Variants in SLC4A8 observed in about 807,000 individuals in gnomAD.
The protein encoded by SLC4A8 is electroneutral sodium bicarbonate exchanger 1.
In SLC4A8, 40 loss-of-function variants were observed where a neutral mutation model predicts 125.0. The ratio of observed to expected loss-of-function variants is 0.32; its 90% CI spans 0.25 to 0.42. The LOEUF (loss-of-function observed/expected upper bound fraction) is 0.42. SLC4A8 is among the 10% of genes least tolerant of loss of function. The pLI, the probability that SLC4A8 is intolerant of heterozygous loss-of-function variation, is 1.00. For missense variants in SLC4A8, 863 were observed against 1,355.1 expected (o/e 0.64, Z 5.70); for synonymous variants, 456 against 476.0 (o/e 0.96, Z 0.55).
upstream of SLC4A8, among the ~76,000 whole-genome samples, chr12:51,424,037 C>CAAAAAAAAAAAA (rs35611847): frequency 2.1e-4 from 8 of 38,064 alleles, no homozygotes; most frequent in East Asian, 1.1e-3. Context: ...ACTTCGTCTC[C>CAAAAAAAAAAAA]AAAAAAAAAA....
intron 1 of SLC4A8, among the ~76,000 whole-genome samples, chr12:51,428,532 C>A (rs111317654): frequency 2.0e-5 from 3 of 152,290 alleles, no homozygotes; most frequent in East Asian, 3.9e-4. Context: ...TTTGCTCAGG[C>A]GTTGAAGCTG....
At chr12:51,447,883 A>AT (rs1337526883) in intron 2 of SLC4A8, among the ~76,000 whole-genome samples, 1 of 151,372 alleles carries the variant, frequency 6.6e-6, no homozygotes, top group Non-Finnish European at 1.5e-5. Flanking sequence ...TGCCCAGCTA[A>AT]TTTTTTGTAT....
chr12:51,476,501 A>C (rs1950859116), intron 16 of SLC4A8, among the ~76,000 whole-genome samples: 1 of 152,182 alleles, frequency 6.6e-6, no homozygotes, highest in Admixed American at 6.5e-5. Flanking sequence ...AAGTTAAAAA[A>C]AAAAAGAGCA....
At chr12:51,453,134 G>A (rs4761817) in intron 4 of SLC4A8, among the ~76,000 whole-genome samples, 141,076 of 152,292 alleles carry the variant, frequency 0.93, 65,404 homozygotes, top group Non-Finnish European at 0.95. Context: ...TGGTTTGTCA[G>A]TGTATCCAAA....
intron 1 of SLC4A8, among the ~76,000 whole-genome samples, chr12:51,426,746 G>A (rs535588862): frequency 6.6e-6 from 1 of 152,018 alleles, no homozygotes; most frequent in South Asian, 2.1e-4. Context: ...GATGTGTTCT[G>A]GGGTTATAAC....
At chr12:51,436,270 T>C (rs1241461945) in intron 1 of SLC4A8, among the ~76,000 whole-genome samples, 1 of 152,138 alleles carries the variant, frequency 6.6e-6, no homozygotes, top group Non-Finnish European at 1.5e-5. Context: ...CAACCAACAA[T>C]AGGATAACCA....
rs181369448 is a variant in SLC4A8, at chr12:51,445,620, G to A, written c.130+4831G>A. 4.9e-3 allele frequency among the ~76,000 whole-genome samples: 743 copies of A among 151,912 alleles called. 2 individuals are homozygous for A. The highest frequency in any genetic ancestry group is 0.017 in the African/African-American group (710 of 41,428). On this transcript the variant is annotated intron_variant, in intron 2 of 24. Transcript: ENST00000453097. The stretch of plus-strand genomic sequence containing the variant: ...TGGCCATCCTTTTGCCCCAGAACCA[G>A]CTCTGCACATTCCCACCTTAGGACC...
rs1938436733 is a variant in SLC4A8 at position 51,513,590 on chromosome 12, G to GCACGC, written c.*6152_*6153insCACGC. ...CTGCCTCAGCCTCCTGAGTAGCTGGGACTATAGGCGCGCACCACCATGCCC... is the reference window on the plus strand; with the variant it reads ...CTGCCTCAGCCTCCTGAGTAGCTGGGCACGCACTATAGGCGCGCACCACCATGCCC... On this transcript the variant is annotated 3_prime_UTR_variant, in exon 25 of 25. Coordinates refer to ENST00000453097, the MANE Select transcript of SLC4A8 (RefSeq NM_001039960.3). 6.6e-6 allele frequency: 1 copy of GCACGC among 152,334 alleles called. No homozygotes were observed. Among genetic ancestry groups the GCACGC allele is most frequent in the Admixed American group, 6.5e-5 (1 of 15,278 alleles). 9.4% of individuals were successfully genotyped at this position (152,334 alleles called of 1,614,324 possible).
chr12:51,412,766 T>C (rs1209670830), intron 1 of SLC4A8, among the ~76,000 whole-genome samples: 1 of 152,198 alleles, frequency 6.6e-6, no homozygotes, highest in East Asian at 1.9e-4. Flanking sequence ...AAATTCATTC[T>C]TTTTTTATGC....
chr12:51,471,915 CTGTCCTT>C (rs1950711332), intron 14 of SLC4A8, among the ~76,000 whole-genome samples: 1 of 152,158 alleles, frequency 6.6e-6, no homozygotes, highest in African/African-American at 2.4e-5. Context: ...AGAATGGACT[CTGTCCTT>C]TGTTGAAATG....
At chr12:51,411,053 T>C (rs924063146) in intron 1 of SLC4A8, among the ~76,000 whole-genome samples, 2 of 149,634 alleles carry the variant, frequency 1.3e-5, no homozygotes, top group African/African-American at 5.0e-5. Context: ...CTGTTTTTTT[T>C]TTTTTTTTTT....
chr12:51,478,961 A>G (rs1950939256), intron 16 of SLC4A8, among the ~76,000 whole-genome samples: 1 of 152,226 alleles, frequency 6.6e-6, no homozygotes, highest in Non-Finnish European at 1.5e-5. Context: ...CAATGATGTG[A>G]TGACACCTGC....
chr12:51,430,234 G>A (rs1397464325), intron 1 of SLC4A8, among the ~76,000 whole-genome samples: 1 of 152,062 alleles, frequency 6.6e-6, no homozygotes, highest in Non-Finnish European at 1.5e-5. Flanking sequence ...TCTTATGATG[G>A]ACCTGAAAAA....
At chr12:51,505,963 AT>A in intron 24 of SLC4A8, 33 bp downstream of exon 24, 2 of 1,020,246 alleles carry the variant, frequency 2.0e-6, no homozygotes, top group Admixed American at 4.4e-5. Context: ...GTTTTTATTT[AT>A]TTCTGGCTTT....
chr12:51,482,303 GATAA>G (rs1174027834), intron 16 of SLC4A8, among the ~76,000 whole-genome samples: 1 of 151,994 alleles, frequency 6.6e-6, no homozygotes, highest in Non-Finnish European at 1.5e-5. Flanking sequence ...ATAATAATTT[GATAA>G]ATATAATTAT....
chr12:51,400,726 TTATATATATATATATATATATATA>T lies in SLC4A8; in HGVS notation c.-112+9267_-112+9290del, dbSNP rs869058430. Among the ~76,000 whole-genome samples, 116 of 41,882 alleles carry T rather than the reference TTATATATATATATATATATATATA, an allele frequency of 2.8e-3. 6 individuals carry two copies. The highest frequency in any genetic ancestry group is 5.7e-3 in the African/African-American group (47 of 8,302). 27.5% of individuals were successfully genotyped at this position (41,882 alleles called of 152,430 possible). A position where few individuals can be genotyped will look rare whatever the true frequency, so the allele number is the denominator to read the frequency against. On this transcript the variant is annotated intron_variant, in intron 1 of 24. Transcript: ENST00000358657. ...TTGAGAGGAGTGTGAATGAACTCCT[TTATATATATATATATATATATATA>T]TATATATATATATATATATATATAT...
chr12:51,487,625 G>A (rs1565815493), intron 17 of SLC4A8, among the ~76,000 whole-genome samples: 1 of 152,212 alleles, frequency 6.6e-6, no homozygotes. Context: ...GTACACTGCA[G>A]GGGTGGGGTA....
At chr12:51,467,316 G>C (rs1950551529) in intron 11 of SLC4A8, 1 of 152,238 alleles carries the variant, frequency 6.6e-6, no homozygotes, top group South Asian at 2.1e-4. Flanking sequence ...CTAAAACTAA[G>C]GCAGGTCACA....
At position 51,510,277 on chromosome 12, in the gene SLC4A8, A is replaced by G. The variant is rs1436849994; in HGVS notation, c.*2839A>G. 1 of 152,296 alleles carries G rather than the reference A, an allele frequency of 6.6e-6. No homozygotes were observed. The highest frequency in any genetic ancestry group is 1.5e-5 in the Non-Finnish European group (1 of 68,152). The allele number at this position is 152,296 out of a possible 1,614,324, so 9.4% of individuals were successfully genotyped here. ...CCGTCTCTACTAAAAATACAAAAAAATTAGCTGGGCATGGTGGCGGGCGCC... is the reference window on the plus strand; with the variant it reads ...CCGTCTCTACTAAAAATACAAAAAAGTTAGCTGGGCATGGTGGCGGGCGCC... On this transcript the variant is annotated 3_prime_UTR_variant, in exon 25 of 25. Transcript: ENST00000453097.
Sources: allele counts gnomAD v4.1 joint callset (sites outside exome capture counted in the v4.1 genomes callset), GRCh38; gene constraint gnomAD v4.1.1; transcripts MANE v1.5; gene names NCBI Gene and HGNC (gene_info 2026-07-23, HGNC 2026-07-21).